Variants in DNHD1 observed in about 807,000 individuals in gnomAD.
The protein encoded by DNHD1 is dynein heavy chain domain 1.
A neutral mutation model predicts 458.1 loss-of-function variants in DNHD1; 383 were observed. The ratio of observed to expected loss-of-function variants is 0.84; its 90% CI spans 0.77 to 0.91. The LOEUF (loss-of-function observed/expected upper bound fraction) is 0.91. Ranked by LOEUF, DNHD1 falls within the 40% of genes least tolerant of loss-of-function variation. The pLI, the probability that DNHD1 is intolerant of heterozygous loss-of-function variation, is 0.00. For synonymous variants in DNHD1, 2,203 were observed against 2,376.9 expected (o/e 0.93, Z 2.13); for missense variants, 5,336 against 5,866.1 (o/e 0.91, Z 2.95).
Position 6,563,451 on chromosome 11 carries a change from C to G in DNHD1, c.9739C>G (p.Arg3247Gly), listed in dbSNP as rs1238963066. ...TGACTTTGAGGAGATACGGAGCTATCGAGCACCACCAGAATCTGTGGTCCG... is the reference window on the plus strand; with the variant it reads ...TGACTTTGAGGAGATACGGAGCTATGGAGCACCACCAGAATCTGTGGTCCG... ...VADFEEIRSY[R>G]APPESVVRVT... Residue 3247 changes from arginine (R) to glycine (G), a missense_variant, in exon 30 of 43, where the codon CGA becomes GGA. Physicochemically the swap from Arg to Gly is moderately radical, Grantham distance 125. Coordinates refer to ENST00000254579, the MANE Select transcript of DNHD1 (RefSeq NM_144666.3). 2 of 1,551,566 alleles carry G rather than the reference C, an allele frequency of 1.3e-6. No homozygotes were observed. Among genetic ancestry groups the G allele is most frequent in the Admixed American group, 3.9e-5 (2 of 50,988 alleles).
intron 7 of DNHD1, among the ~76,000 whole-genome samples, chr11:6,512,889 T>A (rs971815803): frequency 6.6e-6 from 1 of 152,162 alleles, no homozygotes; most frequent in African/African-American, 2.4e-5. Flanking sequence ...TTTGCACTGA[T>A]TGGACTCTTC....
intron 3 of DNHD1, among the ~76,000 whole-genome samples, chr11:6,499,424 G>T (rs1852093439): frequency 6.6e-6 from 1 of 152,128 alleles, no homozygotes; most frequent in Admixed American, 6.5e-5. Flanking sequence ...ATGTCTATGT[G>T]ACTTAAACCG....
At chr11:6,507,856 A>G (rs1329652415) in intron 4 of DNHD1, among the ~76,000 whole-genome samples, 1 of 152,354 alleles carries the variant, frequency 6.6e-6, no homozygotes, top group East Asian at 1.9e-4. Context: ...TATACTTAAG[A>G]AACTTTAGTA....
chr11:6,498,550 A>G lies in DNHD1; in HGVS notation c.335A>G (p.Tyr112Cys), dbSNP rs775750781. ...TTGCTGCCCTTCCTGGAGCAGCTGTACTGCTGGGCACCCTGGGTCCAAACC... is the reference window on the plus strand; with the variant it reads ...TTGCTGCCCTTCCTGGAGCAGCTGTGCTGCTGGGCACCCTGGGTCCAAACC... ...LDLLPFLEQL[Y>C]CWAPWVQTHL... The change falls in exon 3 of 43, where the codon TAC (tyrosine) becomes TGC (cysteine). Residue 112 changes from tyrosine to cysteine, a missense_variant. Tyr to Cys is a radical substitution (Grantham distance 194, BLOSUM62 -2). Coordinates refer to ENST00000254579, the MANE Select transcript of DNHD1 (RefSeq NM_144666.3). 1.6e-5 allele frequency: 26 copies of G among 1,614,138 alleles called. No homozygotes were observed. The highest frequency in any genetic ancestry group is 1.6e-5 in the Non-Finnish European group (19 of 1,180,016).
chr11:6,544,887 C>T lies in DNHD1; in HGVS notation c.3948C>T (p.Ala1316=), dbSNP rs556839867. ...TTCTGTCACTTGTAGTGCCCAGTGC[C>T]GAGAGGAGCCCTTACTTCCAAGGCC... ...PMVLSLVVPS[A]ERSPYFQGQQ... is the part of the protein sequence containing the mutation. The change falls in exon 21 of 43, where the codon GCC becomes GCT. Residue 1316 remains alanine (A), a synonymous_variant. Coordinates refer to ENST00000254579, the MANE Select transcript of DNHD1 (RefSeq NM_144666.3). 16 of 1,551,612 alleles carry T rather than the reference C, an allele frequency of 1.0e-5. No homozygotes were observed. The highest frequency in any genetic ancestry group is 9.6e-5 in the African/African-American group (7 of 73,130).
intron 10 of DNHD1, 137 bp from the exon 11 acceptor site, chr11:6,528,380 TAACTC>T (rs1565003366): frequency 9.7e-7 from 1 of 1,025,816 alleles, no homozygotes; most frequent in Non-Finnish European, 1.4e-6. Context: ...ATGTATGTGT[TAACTC>T]ACTCATGAGC....
chr11:6,498,024 C>A lies in DNHD1; in HGVS notation c.-192C>A. 1.4e-6 allele frequency: 1 copy of A among 729,348 alleles called. No individual in the cohort carries two copies. Among genetic ancestry groups the A allele is most frequent in the African/African-American group, 1.8e-5 (1 of 56,914 alleles). 45.2% of individuals were successfully genotyped at this position (729,348 alleles called of 1,614,324 possible). On this transcript the variant is annotated 5_prime_UTR_variant, in exon 3 of 43. Coordinates refer to ENST00000254579, the MANE Select transcript of DNHD1 (RefSeq NM_144666.3). Reference sequence around the variant, plus strand: ...TCTGTAGCTCCATCTATTTCCCTGTCCCAGGTCCTTTCTTCCTCCTAACCC... The same window carrying A: ...TCTGTAGCTCCATCTATTTCCCTGTACCAGGTCCTTTCTTCCTCCTAACCC...
chr11:6,543,691 G>A (rs1275116070), intron 18 of DNHD1, among the ~76,000 whole-genome samples: 1 of 152,084 alleles, frequency 6.6e-6, no homozygotes, highest in Non-Finnish European at 1.5e-5. Context: ...TGGGCATGGT[G>A]GCTTACACCT....
rs991795675 is a variant in DNHD1, at chr11:6,536,139, CA to C, written c.2998+1974del. On this transcript the variant is annotated intron_variant, in intron 14 of 42. Transcript: ENST00000254579. ...CACAACATGAGGAACTTTCTATGAA[CA>C]AAAAAAATGGCAAAAGGGGACTGTA... Among the ~76,000 whole-genome samples the C allele has an allele frequency of 3.8e-3, 580 of 151,318 alleles. 6 individuals carry two copies. Among genetic ancestry groups the C allele is most frequent in the African/African-American group, 0.014 (564 of 41,276 alleles).
rs372291400 is a variant in DNHD1 at position 6,563,452 on chromosome 11, G to C, written c.9740G>C (p.Arg3247Pro). The part of the protein sequence containing the change: ...VADFEEIRSY[R>P]APPESVVRVT... ...GACTTTGAGGAGATACGGAGCTATC[G>C]AGCACCACCAGAATCTGTGGTCCGG... Residue 3247 changes from arginine (R) to proline (P), a missense_variant, in exon 30 of 43, where the codon CGA becomes CCA. This residue lies in a region of DNHD1 where 3,932 missense variants were observed against 4,365.6 expected (regional missense o/e 0.90). Coordinates refer to ENST00000254579, the MANE Select transcript of DNHD1 (RefSeq NM_144666.3). The C allele has an allele frequency of 1.0e-4, 159 of 1,551,608 alleles. No homozygotes were observed. In the African/African-American group the frequency reaches 2.0e-3, roughly 20 times the overall value.
Position 6,557,807 on chromosome 11 carries a change from C to A in DNHD1, c.8512C>A (p.Leu2838Met). The A allele has an allele frequency of 2.6e-6, 4 of 1,551,454 alleles. No individual in the cohort carries two copies. ...GPNSETPNLY[L>M]ERQWEKLEEQ... is the part of the protein sequence containing the mutation. ...TAACTCTGAGACCCCCAACTTGTAC[C>A]TGGAACGACAGTGGGAGAAGCTAGA... Residue 2838 changes from leucine (L) to methionine (M), a missense_variant, in exon 25 of 43, where the codon CTG (leucine) becomes ATG (methionine). Transcript: ENST00000254579.
chr11:6,566,789 G>A (rs760050913), intron 35 of DNHD1, 24 bp downstream of exon 35: 13 of 1,604,962 alleles, frequency 8.1e-6, no homozygotes, highest in Non-Finnish European at 1.1e-5. Flanking sequence ...CAGTCTGTGG[G>A]TTGAGATGAG....
rs1852061889 is a variant in DNHD1 at position 6,497,998 on chromosome 11, C to T, written c.-218C>T. On this transcript the variant is annotated 5_prime_UTR_variant, in exon 3 of 43. Coordinates refer to ENST00000254579, the MANE Select transcript of DNHD1 (RefSeq NM_144666.3). ...AAGGCTCTCTGCTGGTCTGGCTCTG[C>T]TCTGTAGCTCCATCTATTTCCCTGT... 1.6e-6 allele frequency: 1 copy of T among 629,964 alleles called. No homozygotes were observed. The highest frequency in any genetic ancestry group is 2.8e-5 in the East Asian group (1 of 36,282). The allele number at this position is 629,964 out of a possible 1,614,324, so 39.0% of individuals were successfully genotyped here. A position where few individuals can be genotyped will look rare whatever the true frequency, so the allele number is the denominator to read the frequency against.
At position 6,539,271 on chromosome 11, in the gene DNHD1, GCTTA is replaced by G; in HGVS notation, c.3383_3386del (p.Thr1128IlefsTer70). On this transcript the variant is annotated frameshift_variant, in exon 17 of 43. Coordinates refer to ENST00000254579, the MANE Select transcript of DNHD1 (RefSeq NM_144666.3). Reference sequence around the variant, plus strand: ...TAGAACTCCTAACGCTGGGCCAGCTGCTTACTTATCCACTGCTGGAGTTTGCAGA... The same window carrying G: ...TAGAACTCCTAACGCTGGGCCAGCTGCTTATCCACTGCTGGAGTTTGCAGA... 1 of 1,551,658 alleles carries G rather than the reference GCTTA, an allele frequency of 6.4e-7. No individual in the cohort carries two copies. The highest frequency in any genetic ancestry group is 1.2e-5 in the South Asian group (1 of 84,066).
Position 6,571,706 on chromosome 11 carries a change from C to T in DNHD1, c.13982C>T (p.Ala4661Val), listed in dbSNP as rs375322690. 3.8e-5 allele frequency: 62 copies of T among 1,611,818 alleles called. 1 individual carries two copies. In the East Asian group the frequency reaches 7.1e-4, roughly 19 times the overall value. ...CTGATCGGGCTACAGGTCCTACATG[C>T]GGAGTGGGACCCAATAGCTGGAGCC... ...LLLIGLQVLH[A>V]EWDPIAGALQ... The change falls in exon 43 of 43, where the codon GCG becomes GTG. Residue 4661 changes from alanine (A) to valine (V), a missense_variant. Coordinates refer to ENST00000254579, the MANE Select transcript of DNHD1 (RefSeq NM_144666.3). The surrounding 1 kb of genome is among the most constrained non-coding windows in gnomAD (Gnocchi z 5.0).
intron 7 of DNHD1, among the ~76,000 whole-genome samples, chr11:6,516,216 A>G (rs1175383408): frequency 1.3e-5 from 2 of 150,298 alleles, no homozygotes; most frequent in Non-Finnish European, 3.0e-5. Context: ...TGCAACATGT[A>G]TTTTAAAATC....
Position 6,529,127 on chromosome 11 carries a change from T to C in DNHD1, c.2347+6T>C. 6.5e-7 allele frequency: 1 copy of C among 1,549,784 alleles called. No individual in the cohort carries two copies. Among genetic ancestry groups the C allele is most frequent in the South Asian group, 1.2e-5 (1 of 83,984 alleles). The stretch of plus-strand genomic sequence containing the variant: ...TGATGTACAGGCAGAGATGGGTGAG[T>C]ACTGCTTCTCTTCCCTCTCCTCCTT... On this transcript the variant is annotated splice_donor_region_variant and intron_variant, in intron 12 of 42. Transcript: ENST00000254579.
chr11:6,530,539 T>C (rs953907795), intron 12 of DNHD1, among the ~76,000 whole-genome samples: 1 of 152,240 alleles, frequency 6.6e-6, no homozygotes, highest in South Asian at 2.1e-4. Context: ...TAGCCAATAG[T>C]ATCTACTTCC....
At chr11:6,537,993 T>C (rs183200930) in intron 14 of DNHD1, among the ~76,000 whole-genome samples, 1 of 152,206 alleles carries the variant, frequency 6.6e-6, no homozygotes, top group Non-Finnish European at 1.5e-5. Flanking sequence ...GCATGAGCCA[T>C]GTGATTCTCT....
Sources: allele counts gnomAD v4.1 joint callset (sites outside exome capture counted in the v4.1 genomes callset), GRCh38; gene constraint gnomAD v4.1.1; regional missense constraint gnomAD v4.1.1; non-coding constraint Gnocchi (gnomAD v3.1); transcripts MANE v1.5; gene names NCBI Gene and HGNC (gene_info 2026-07-23, HGNC 2026-07-21).